ANKRD11: variants seen among roughly 807,000 people sequenced by gnomAD.
ANKRD11 encodes the protein ankyrin repeat domain 11, also known as ankyrin repeat domain-containing protein 11.
ANKRD11 carries 17 observed loss-of-function variants against 195.7 expected under a neutral mutation model. The observed-to-expected ratio is 0.09, with a 90% CI of 0.06 to 0.13. The LOEUF (loss-of-function observed/expected upper bound fraction) is 0.13, where lower values mean the gene tolerates loss of function less well. Ranked by LOEUF, ANKRD11 falls within the 10% of genes least tolerant of loss-of-function variation. The pLI is 1.00. For synonymous variants in ANKRD11, 1,953 were observed against 1,528.1 expected, an observed-to-expected ratio of 1.28 and a Z score of -6.49; for missense variants, 3,735 against 3,566.1, an observed-to-expected ratio of 1.05 and a Z score of -1.21.
Position 89,280,359 on chromosome 16 carries a change from C to G in ANKRD11, c.6183G>C (p.Gly2061=). 6.4e-7 allele frequency: 1 copy of G among 1,570,514 alleles called. No homozygotes were observed. The highest frequency in any genetic ancestry group is 8.6e-7 in the Non-Finnish European group (1 of 1,158,638). The part of the protein sequence containing the change: ...SEAAPYAPPS[G]LESFFSNCKS... ...TGCAGTTGCTGAAGAAGGACTCCAG[C>G]CCGGAGGGAGGGGCGTAGGGAGCCG... Residue 2061 remains glycine (G), a synonymous_variant, in exon 9 of 13, where the codon GGG becomes GGC. Transcript: ENST00000301030.
At chr16:89,414,580 C>T (rs1277638566) in intron 2 of ANKRD11, among the ~76,000 whole-genome samples, 2 of 152,190 alleles carry the variant, frequency 1.3e-5, no homozygotes, top group East Asian at 3.8e-4. Flanking sequence ...ATTTAATCTC[C>T]AAGGAAGTCT....
At chr16:89,346,250 GA>G (rs35573539) in intron 2 of ANKRD11, among the ~76,000 whole-genome samples, 4,256 of 96,826 alleles carry the variant, frequency 0.044, 100 homozygotes, top group African/African-American at 0.092. Context: ...CCCGTCTCAG[GA>G]AAAAAAAAAA....
chr16:89,428,711 T>C (rs113187058), intron 1 of ANKRD11, among the ~76,000 whole-genome samples: 5 of 150,464 alleles, frequency 3.3e-5, no homozygotes, highest in East Asian at 2.0e-4. Flanking sequence ...CTGGCCAACA[T>C]AGTGAAACCC....
intron 1 of ANKRD11, among the ~76,000 whole-genome samples, chr16:89,480,851 C>G (rs1567864373): frequency 6.6e-6 from 1 of 152,200 alleles, no homozygotes; most frequent in Admixed American, 6.5e-5. Context: ...AAGGCTCCGT[C>G]CTGGGCTGTG....
At chr16:89,286,417 G>A (rs1024215801) in intron 7 of ANKRD11, 22 of 654,478 alleles carry the variant, frequency 3.4e-5, no homozygotes, top group Admixed American at 1.1e-4. Flanking sequence ...GGGGGCTCCC[G>A]CACCCCTCCT....
At chr16:89,436,162 C>T (rs1454756416) in intron 1 of ANKRD11, among the ~76,000 whole-genome samples, 1 of 152,122 alleles carries the variant, frequency 6.6e-6, no homozygotes, top group Non-Finnish European at 1.5e-5. Context: ...TGCCTGTAAT[C>T]CCAGCACTTT....
At chr16:89,311,549 T>C (rs1051976617) in intron 3 of ANKRD11, among the ~76,000 whole-genome samples, 1 of 152,190 alleles carries the variant, frequency 6.6e-6, no homozygotes. Context: ...TGAAAATCTA[T>C]GCTTACCTCA....
chr16:89,298,768 C>CCCT (rs1332700906), intron 4 of ANKRD11: 1 of 152,218 alleles, frequency 6.6e-6, no homozygotes, highest in Non-Finnish European at 1.5e-5. Flanking sequence ...CAAGAACCTT[C>CCCT]CCTTTGCTAG....
rs529435396 is a variant in ANKRD11, at chr16:89,305,421, CAGG to C, written c.88-80_88-78del. 3.3e-5 allele frequency: 53 copies of C among 1,590,132 alleles called. 1 individual carries two copies. The South Asian group carries it at 5.1e-4, about 15-fold the overall frequency. ...GCTCTCAAGATTTTGTTTCATATGC[CAGG>C]AGAAGCGCATCTCTTATTTGGGCAA... On this transcript the variant is annotated intron_variant, in intron 3 of 12. Coordinates refer to ENST00000301030, the MANE Select transcript of ANKRD11 (RefSeq NM_013275.6).
At chr16:89,437,542 C>G (rs79632166) in intron 1 of ANKRD11, among the ~76,000 whole-genome samples, 3,305 of 152,244 alleles carry the variant, frequency 0.022, 125 homozygotes, top group African/African-American at 0.075. Context: ...CCTGAGCAAA[C>G]AGTCCTCCAG....
intron 1 of ANKRD11, among the ~76,000 whole-genome samples, chr16:89,441,792 A>AAAAAAAAAC (rs2043513887): frequency 6.8e-6 from 1 of 147,498 alleles, no homozygotes; most frequent in Non-Finnish European, 1.5e-5. Flanking sequence ...AAAAAAAAAA[A>AAAAAAAAAC]ACGCAAACCT....
rs919442770 is a variant in ANKRD11 at position 89,457,456 on chromosome 16, G to C, written c.-145+32789C>G. Among the ~76,000 whole-genome samples the C allele has an allele frequency of 5.3e-5, 8 of 151,458 alleles. No homozygotes were observed. In the East Asian group the frequency reaches 1.6e-3, roughly 30 times the overall value. ...TACTTGAAAATACAAAAATTAGCCA[G>C]GCGTGGTGGTGGGCACCCGTAATCC... On this transcript the variant is annotated intron_variant, in intron 1 of 12. Coordinates refer to ENST00000301030, the MANE Select transcript of ANKRD11 (RefSeq NM_013275.6).
intron 9 of ANKRD11, among the ~76,000 whole-genome samples, chr16:89,276,925 G>A (rs2033704287): frequency 6.6e-6 from 1 of 151,934 alleles, no homozygotes; most frequent in South Asian, 2.1e-4. Context: ...ACGTGGTGGT[G>A]GGCGCCTGTA....
chr16:89,460,756 T>C (rs1487825782), intron 1 of ANKRD11, among the ~76,000 whole-genome samples: 1 of 151,986 alleles, frequency 6.6e-6, no homozygotes, highest in East Asian at 1.9e-4. Context: ...TAAACAAAAA[T>C]TGAATTTGAC....
Position 89,275,274 on chromosome 16 carries a change from C to T in ANKRD11, c.7471-83G>A, listed in dbSNP as rs1597413235. 9.8e-6 allele frequency: 12 copies of T among 1,220,618 alleles called. No individual in the cohort carries two copies. The East Asian group carries it at 1.0e-4, about 10-fold the overall frequency. 75.6% of individuals were successfully genotyped at this position (1,220,618 alleles called of 1,614,324 possible). A position where few individuals can be genotyped will look rare whatever the true frequency, so the allele number is the denominator to read the frequency against. ...TATAGTCTGGAGTTCACGGGGGTCCCGACTCAGCCTCCCCACTCCTAGGAG... is the reference window on the plus strand; with the variant it reads ...TATAGTCTGGAGTTCACGGGGGTCCTGACTCAGCCTCCCCACTCCTAGGAG... On this transcript the variant is annotated intron_variant, in intron 9 of 12. Transcript: ENST00000301030.
intron 3 of ANKRD11, among the ~76,000 whole-genome samples, chr16:89,314,041 T>G (rs899889281): frequency 6.6e-6 from 1 of 152,082 alleles, no homozygotes; most frequent in Non-Finnish European, 1.5e-5. Flanking sequence ...CTTGGCAACA[T>G]GGTAAGATCT....
chr16:89,462,018 C>T (rs1451489362), intron 1 of ANKRD11, among the ~76,000 whole-genome samples: 4 of 151,476 alleles, frequency 2.6e-5, no homozygotes, highest in African/African-American at 9.7e-5. Flanking sequence ...AAAAGCGTCA[C>T]GCTCCCTCTC....
chr16:89,309,969 T>C (rs988150247), intron 3 of ANKRD11, among the ~76,000 whole-genome samples: 3 of 152,178 alleles, frequency 2.0e-5, no homozygotes, highest in Non-Finnish European at 1.5e-5. Context: ...GCTCTGCACA[T>C]GTCATATGCA....
At chr16:89,461,932 G>A (rs187946635) in intron 1 of ANKRD11, among the ~76,000 whole-genome samples, 1 of 152,046 alleles carries the variant, frequency 6.6e-6, no homozygotes, top group Non-Finnish European at 1.5e-5. Flanking sequence ...AACCTGCAGA[G>A]CATCTATTGA....
Sources: gnomAD v4.1 joint callset for allele counts (sites outside exome capture counted in the v4.1 genomes callset) on GRCh38, gnomAD v4.1.1 for gene constraint, MANE v1.5 for transcripts, NCBI Gene and HGNC (gene_info 2026-07-23, HGNC 2026-07-21) for gene names.